The following SPECC1 variants were observed in gnomAD, a reference collection of about 807,000 sequenced individuals.
SPECC1 encodes the protein sperm antigen with calponin homology and coiled-coil domains 1, also known as cytospin-B.
In SPECC1, 62 loss-of-function variants were observed where a neutral mutation model predicts 104.1. The observed-to-expected ratio is 0.60, with a 90% CI of 0.49 to 0.74. The LOEUF is 0.74. Among genes scored for constraint, SPECC1 ranks in the 30% least tolerant of loss-of-function variants. SPECC1 has a pLI of 0.00. For missense variants in SPECC1, 1,306 were observed against 1,310.5 expected (o/e 1.00, Z 0.05); for synonymous variants, 513 against 501.6 (o/e 1.02, Z -0.30).
chr17:20,195,548 A>G (rs1259394565), intron 3 of SPECC1, among the ~76,000 whole-genome samples: 1 of 134,026 alleles, frequency 7.5e-6, no homozygotes, highest in Non-Finnish European at 1.5e-5. Flanking sequence ...TGCATTATAG[A>G]TATAAAACCC....
chr17:20,253,371 A>G (rs891391967), intron 9 of SPECC1, 134 bp from the exon 10 acceptor site: 5 of 760,310 alleles, frequency 6.6e-6, no homozygotes, highest in East Asian at 2.8e-5. Context: ...AAATGAGTTA[A>G]TTAAAAACTC....
Position 20,034,392 on chromosome 17 carries a change from A to C in SPECC1, c.-22+24968A>C, listed in dbSNP as rs141576177. The stretch of plus-strand genomic sequence containing the variant: ...GATTACAGGTGTGAGCCACTGCGTC[A>C]GGTCTTTCCCCCAATTTTTTACTAA... On this transcript the variant is annotated intron_variant, in intron 1 of 14. Coordinates refer to ENST00000395527, the MANE Select transcript of SPECC1 (RefSeq NM_001243439.2). Among the ~76,000 whole-genome samples the C allele has an allele frequency of 2.7e-3, 403 of 151,472 alleles. 4 individuals are homozygous for C. Among genetic ancestry groups the C allele is most frequent in the East Asian group, 0.014 (72 of 5,062 alleles).
intron 1 of SPECC1, among the ~76,000 whole-genome samples, chr17:20,070,683 A>T (rs888413689): frequency 6.6e-6 from 1 of 152,184 alleles, no homozygotes; most frequent in Non-Finnish European, 1.5e-5. Context: ...GGATAAGCTC[A>T]TCACTGTTGC....
intron 12 of SPECC1, among the ~76,000 whole-genome samples, chr17:20,296,195 G>A (rs1220830962): frequency 6.6e-6 from 1 of 152,160 alleles, no homozygotes; most frequent in Non-Finnish European, 1.5e-5. Context: ...ATTAATTTTT[G>A]TCTAAGGTGT....
intron 1 of SPECC1, among the ~76,000 whole-genome samples, chr17:20,090,395 C>T (rs2047353696): frequency 6.6e-6 from 1 of 152,188 alleles, no homozygotes; most frequent in Non-Finnish European, 1.5e-5. Flanking sequence ...TTTGTAAACA[C>T]TTCCTTTCTC....
At position 20,318,452 on chromosome 17, in the gene SPECC1, A is replaced by T. The variant is rs1177787767; in HGVS notation, c.*4387A>T. 6 of 231,558 alleles carry T rather than the reference A, an allele frequency of 2.6e-5. No individual in the cohort carries two copies. The highest frequency in any genetic ancestry group is 5.6e-5 in the Admixed American group (1 of 17,718). The allele number at this position is 231,558 out of a possible 1,614,324, so 14.3% of individuals were successfully genotyped here. A position where few individuals can be genotyped will look rare whatever the true frequency, so the allele number is the denominator to read the frequency against. On this transcript the variant is annotated 3_prime_UTR_variant, in exon 15 of 15. Coordinates refer to ENST00000395527, the MANE Select transcript of SPECC1 (RefSeq NM_001243439.2). ...ATGCAGGTGGGTGTTAGATAAAAAC[A>T]CACATCCCCAGGGGACAAGCCATCC... is the stretch of plus-strand genomic sequence containing the variant.
At chr17:20,169,635 C>T (rs1484684761) in intron 3 of SPECC1, among the ~76,000 whole-genome samples, 3 of 151,652 alleles carry the variant, frequency 2.0e-5, no homozygotes, top group African/African-American at 7.3e-5. Context: ...TTCTAAAGTT[C>T]CTGATAATTT....
Position 20,110,581 on chromosome 17 carries a change from G to T in SPECC1, c.283+19G>T. The T allele has an allele frequency of 2.5e-6, 4 of 1,602,762 alleles. No homozygotes were observed. Among genetic ancestry groups the T allele is most frequent in the Non-Finnish European group, 3.4e-6 (4 of 1,174,596 alleles). ...GGCACAGGTAGGAGGGACCGGGCAG[G>T]TGGGCTCGGCAGGCCATCAGTCCTG... is the stretch of plus-strand genomic sequence containing the variant. On this transcript the variant is annotated intron_variant, in intron 3 of 14. Transcript: ENST00000395527.
intron 3 of SPECC1, among the ~76,000 whole-genome samples, chr17:20,126,664 T>C (rs556635970): frequency 6.6e-6 from 1 of 152,330 alleles, no homozygotes; most frequent in South Asian, 2.1e-4. Context: ...CCAGGAGTTA[T>C]TCTTTTATTT....
intron 4 of SPECC1, among the ~76,000 whole-genome samples, chr17:20,212,602 C>T (rs2151388069): frequency 6.6e-6 from 1 of 152,322 alleles, no homozygotes; most frequent in South Asian, 2.1e-4. Flanking sequence ...TTACCTCCCA[C>T]TGGGGTCCCT....
intron 1 of SPECC1, among the ~76,000 whole-genome samples, chr17:20,074,214 AGT>A (rs1054771708): frequency 6.6e-6 from 1 of 152,146 alleles, no homozygotes; most frequent in African/African-American, 2.4e-5. Context: ...TCAGCACTGT[AGT>A]GTGCCCTGTC....
chr17:20,127,058 A>G (rs1377814263), intron 3 of SPECC1, among the ~76,000 whole-genome samples: 2 of 152,210 alleles, frequency 1.3e-5, no homozygotes, highest in Admixed American at 1.3e-4. Flanking sequence ...TTCAAAGTTT[A>G]TCATCTAATG....
At chr17:20,059,982 C>A (rs765549901) in intron 1 of SPECC1, among the ~76,000 whole-genome samples, 11 of 152,318 alleles carry the variant, frequency 7.2e-5, no homozygotes, top group South Asian at 4.1e-4. Context: ...CTAGCACTTC[C>A]TCTTCCACAT....
chr17:20,016,057 T>A (rs530063798), intron 1 of SPECC1, among the ~76,000 whole-genome samples: 11 of 148,384 alleles, frequency 7.4e-5, no homozygotes, highest in African/African-American at 2.2e-4. Flanking sequence ...AAAAAAAAAA[T>A]AAAATAAAAA....
At position 20,232,485 on chromosome 17, in the gene SPECC1, A is replaced by C. The variant is rs151224789; in HGVS notation, c.2351+80A>C. The C allele has an allele frequency of 3.5e-6, 5 of 1,448,548 alleles. No homozygotes were observed. The African/African-American group carries it at 7.0e-5, about 20-fold the overall frequency. 89.7% of individuals were successfully genotyped at this position (1,448,548 alleles called of 1,614,324 possible). A position where few individuals can be genotyped will look rare whatever the true frequency, so the allele number is the denominator to read the frequency against. ...CTCCCTGGTGGGGATGGGACTCTTC[A>C]TGTCTGTGCCAGGTTCTGCTATTTC... On this transcript the variant is annotated intron_variant, in intron 7 of 14. Coordinates refer to ENST00000395527, the MANE Select transcript of SPECC1 (RefSeq NM_001243439.2).
At chr17:20,059,584 A>AC (rs2046105373) in intron 1 of SPECC1, among the ~76,000 whole-genome samples, 1 of 152,036 alleles carries the variant, frequency 6.6e-6, no homozygotes, top group Non-Finnish European at 1.5e-5. Flanking sequence ...CTATGTAGCA[A>AC]CCCCTTTTCT....
chr17:20,016,490 G>A (rs1055557933), intron 1 of SPECC1, among the ~76,000 whole-genome samples: 7 of 152,168 alleles, frequency 4.6e-5, no homozygotes, highest in African/African-American at 1.4e-4. Flanking sequence ...GGGAACCGGG[G>A]CTGTACGCGG....
intron 13 of SPECC1, among the ~76,000 whole-genome samples, chr17:20,298,948 A>AGAGAGAGT: frequency 1.2e-4 from 6 of 49,074 alleles, no homozygotes; most frequent in African/African-American, 5.6e-4. Flanking sequence ...AGAGAGAGAG[A>AGAGAGAGT]GTGTGTGTGT....
In SPECC1 at chr17:20,143,354, C is replaced by T. The variant is rs143650864; in HGVS notation, c.283+32792C>T. 1.4e-3 allele frequency among the ~76,000 whole-genome samples: 208 copies of T among 150,646 alleles called. 1 individual carries two copies. The highest frequency in any genetic ancestry group is 5.0e-3 in the African/African-American group (203 of 40,884). ...TGAGCTGTGATGGCACTACTGCACGCCAGCCTGGGTAACAGAGCAAGATCA... is the reference window on the plus strand; with the variant it reads ...TGAGCTGTGATGGCACTACTGCACGTCAGCCTGGGTAACAGAGCAAGATCA... On this transcript the variant is annotated intron_variant, in intron 3 of 14. Coordinates refer to ENST00000395527, the MANE Select transcript of SPECC1 (RefSeq NM_001243439.2).
Sources: gnomAD v4.1 joint callset for allele counts (sites outside exome capture counted in the v4.1 genomes callset) on GRCh38, gnomAD v4.1.1 for gene constraint, MANE v1.5 for transcripts, NCBI Gene and HGNC (gene_info 2026-07-23, HGNC 2026-07-21) for gene names.